Variants in SLC41A3 observed in about 807,000 individuals in gnomAD.
SLC41A3 encodes the protein solute carrier family 41 member 3.
SLC41A3 carries 44 observed loss-of-function variants against 45.4 expected under a neutral mutation model. The ratio of observed to expected loss-of-function variants is 0.97; its 90% CI spans 0.76 to 1.25. SLC41A3 has a LOEUF of 1.25. SLC41A3 is among the 50% of genes most tolerant of loss of function. SLC41A3 has a pLI of 0.00. For synonymous variants in SLC41A3, 256 were observed against 252.4 expected (o/e 1.01, Z -0.13); for missense variants, 550 against 600.6 (o/e 0.92, Z 0.88).
At chr3:126,050,776 A>T in intron 3 of SLC41A3, 167 bp downstream of exon 3, 1 of 1,237,946 alleles carries the variant, frequency 8.1e-7, no homozygotes, top group South Asian at 2.2e-5. Context: ...AAGCCAAGGC[A>T]TTGGGCTGGG....
chr3:126,081,856 C>T (rs376227717), intron 1 of SLC41A3, among the ~76,000 whole-genome samples: 12 of 152,352 alleles, frequency 7.9e-5, no homozygotes, highest in African/African-American at 9.6e-5. Context: ...CCCAAGAGTG[C>T]GCAGCCACTG....
chr3:126,070,529 T>C (rs1219750918), intron 1 of SLC41A3: 1 of 152,240 alleles, frequency 6.6e-6, no homozygotes, highest in Non-Finnish European at 1.5e-5. Context: ...TGGGGACCAC[T>C]GCTCTATAAG....
At chr3:126,076,928 A>C (rs1944905894) in intron 1 of SLC41A3, among the ~76,000 whole-genome samples, 1 of 152,166 alleles carries the variant, frequency 6.6e-6, no homozygotes, top group East Asian at 1.9e-4. Flanking sequence ...TGCTGTAGAA[A>C]ACTGAACTGT....
At chr3:126,022,336 G>A (rs912290915) in intron 6 of SLC41A3, among the ~76,000 whole-genome samples, 9 of 152,162 alleles carry the variant, frequency 5.9e-5, no homozygotes, top group Non-Finnish European at 1.2e-4. Context: ...TAGTGTATTT[G>A]CTTATAATGG....
At chr3:126,028,724 A>G (rs1941566343) in intron 4 of SLC41A3, among the ~76,000 whole-genome samples, 1 of 152,256 alleles carries the variant, frequency 6.6e-6, no homozygotes, top group Admixed American at 6.5e-5. Context: ...ATCTGCAGGC[A>G]CTGAATACCA....
At chr3:126,051,122 C>G (rs948551220) in intron 2 of SLC41A3, 72 bp from the exon 3 acceptor site, 10 of 1,444,154 alleles carry the variant, frequency 6.9e-6, no homozygotes, top group Non-Finnish European at 9.2e-6. Flanking sequence ...CTTGAGAGAA[C>G]CTTCAGCAAG....
intron 3 of SLC41A3, among the ~76,000 whole-genome samples, chr3:126,039,546 C>A (rs1942442266): frequency 6.6e-6 from 1 of 152,186 alleles, no homozygotes; most frequent in Non-Finnish European, 1.5e-5. Flanking sequence ...ATACTGCTGA[C>A]CCAGGTCACT....
At chr3:126,013,058 G>A (rs1467431221) in intron 8 of SLC41A3, among the ~76,000 whole-genome samples, 1 of 152,098 alleles carries the variant, frequency 6.6e-6, no homozygotes, top group African/African-American at 2.4e-5. Flanking sequence ...ATGGGAGGGA[G>A]GGGATCCAGG....
intron 1 of SLC41A3, among the ~76,000 whole-genome samples, chr3:126,100,949 G>C (rs55943460): frequency 5.8e-4 from 89 of 152,292 alleles, no homozygotes; most frequent in African/African-American, 2.0e-3. Flanking sequence ...TTAACATGGC[G>C]AGACATAAAC....
chr3:126,075,914 T>C (rs1420684111), intron 1 of SLC41A3, among the ~76,000 whole-genome samples: 1 of 152,192 alleles, frequency 6.6e-6, no homozygotes, highest in East Asian at 1.9e-4. Flanking sequence ...CCCAGGGACT[T>C]TGGATTAGGC....
At position 126,006,873 on chromosome 3, in the gene SLC41A3, G is replaced by C. The variant is rs1295768381; in HGVS notation, c.*143C>G. On this transcript the variant is annotated 3_prime_UTR_variant, in exon 11 of 11. Transcript: ENST00000360370. ...TCAACCCCAGAGCCGAGGTGTGTGA[G>C]AGCTACCTTAGCAGACTCACAAAAG... The C allele has an allele frequency of 2.0e-6, 3 of 1,509,668 alleles. No homozygotes were observed. Among genetic ancestry groups the C allele is most frequent in the East Asian group, 4.6e-5 (2 of 43,688 alleles). 93.5% of individuals were successfully genotyped at this position (1,509,668 alleles called of 1,614,324 possible). A position where few individuals can be genotyped will look rare whatever the true frequency, so the allele number is the denominator to read the frequency against.
intron 1 of SLC41A3, among the ~76,000 whole-genome samples, chr3:126,078,278 G>A (rs1944975982): frequency 6.6e-6 from 1 of 152,170 alleles, no homozygotes; most frequent in Non-Finnish European, 1.5e-5. Context: ...GGCCAGACCA[G>A]CCATTTTCTT....
chr3:126,085,926 T>C (rs1230214035), upstream of SLC41A3, among the ~76,000 whole-genome samples: 3 of 152,034 alleles, frequency 2.0e-5, no homozygotes, highest in Admixed American at 6.6e-5. Flanking sequence ...TAAGGACTGA[T>C]CACCCATCAT....
intron 2 of SLC41A3, among the ~76,000 whole-genome samples, chr3:126,062,367 T>A (rs915198548): frequency 6.6e-6 from 1 of 152,230 alleles, no homozygotes; most frequent in Non-Finnish European, 1.5e-5. Flanking sequence ...CAGACACAGT[T>A]GGCCTTCACC....
chr3:126,026,456 G>A lies in SLC41A3; in HGVS notation c.477C>T (p.Leu159=), dbSNP rs761358285. 2 of 1,604,384 alleles carry A rather than the reference G, an allele frequency of 1.2e-6. No individual in the cohort carries two copies. The highest frequency in any genetic ancestry group is 2.2e-5 in the East Asian group (1 of 44,636). ...LIQVQATVVG[L]LAAVAALLLG... ...ACAGCAGCGCAGCCACAGCAGCCAA[G>A]AGCCCCACGACAGTGGCCTGCACCT... The change falls in exon 5 of 11, where the codon CTC becomes CTT. Residue 159 remains leucine (L), a synonymous_variant. Coordinates refer to ENST00000360370, the MANE Select transcript of SLC41A3 (RefSeq NM_017836.4). The surrounding 1 kb of genome is among the most constrained non-coding windows in gnomAD (Gnocchi z 4.2).
At chr3:126,056,317 T>G in intron 2 of SLC41A3, 1 of 1,597,082 alleles carries the variant, frequency 6.3e-7, no homozygotes, top group Non-Finnish European at 8.5e-7. Context: ...ACCCAGTCTG[T>G]GTGTCTCCCA....
Position 126,068,227 on chromosome 3 carries a change from C to T in SLC41A3, c.-8G>A. The T allele has an allele frequency of 6.6e-7, 1 of 1,507,796 alleles. No individual in the cohort carries two copies. 93.4% of individuals were successfully genotyped at this position (1,507,796 alleles called of 1,614,324 possible). On this transcript the variant is annotated 5_prime_UTR_variant, in exon 2 of 11. The change creates a new upstream start codon in the 5' untranslated region. Coordinates refer to ENST00000360370, the MANE Select transcript of SLC41A3 (RefSeq NM_017836.4). ...GGTCTCTGTCCCATCCATCTGGGCA[C>T]AGCTGGGCGCCTGGCAGCCCTACAG... is the stretch of plus-strand genomic sequence containing the variant.
intron 1 of SLC41A3, among the ~76,000 whole-genome samples, chr3:126,069,280 C>T (rs530696909): frequency 1.3e-5 from 2 of 152,082 alleles, no homozygotes; most frequent in South Asian, 4.2e-4. Context: ...TGGTGAGCAC[C>T]GGACTGGATG....
In SLC41A3 at chr3:126,061,682, T is replaced by C. The variant is rs113810498; in HGVS notation, c.273+6265A>G. ...CCCAAGGGTGAGACCCCCTCCCTCA[T>C]TGATGAGGTGAAGAGGAGGTGACCA... On this transcript the variant is annotated intron_variant, in intron 2 of 10. Coordinates refer to ENST00000360370, the MANE Select transcript of SLC41A3 (RefSeq NM_017836.4). Among the ~76,000 whole-genome samples the C allele has an allele frequency of 2.8e-3, 422 of 152,200 alleles. 1 individual carries two copies. The highest frequency in any genetic ancestry group is 5.2e-3 in the Non-Finnish European group (351 of 67,992).
Sources: allele counts gnomAD v4.1 joint callset (sites outside exome capture counted in the v4.1 genomes callset), GRCh38; gene constraint gnomAD v4.1.1; non-coding constraint Gnocchi (gnomAD v3.1); transcripts MANE v1.5; gene names NCBI Gene and HGNC (gene_info 2026-07-23, HGNC 2026-07-21).